The following MS4A4E variants were observed in gnomAD, a reference collection of about 807,000 sequenced individuals.
The protein encoded by MS4A4E is membrane spanning 4-domains A4E.
Under a neutral mutation model 13.3 loss-of-function variants are expected in MS4A4E, and 23 were observed. That is an observed-to-expected ratio of 1.73 (90% CI 1.25 to 2.45). The LOEUF is 2.45. MS4A4E is among the 30% of genes most tolerant of loss of function. The pLI is 0.00. For synonymous variants in MS4A4E, 36 were observed against 45.6 expected, an observed-to-expected ratio of 0.79 and a Z score of 0.85; for missense variants, 144 against 131.2, an observed-to-expected ratio of 1.10 and a Z score of -0.48.
intron 1 of MS4A4E, among the ~76,000 whole-genome samples, chr11:60,232,316 CACACA>C (rs1391331786): frequency 2.6e-5 from 4 of 151,302 alleles, no homozygotes; most frequent in Non-Finnish European, 5.9e-5. Flanking sequence ...CACACACACA[CACACA>C]CCAAAAATGA....
At chr11:60,205,295 T>C (rs978447050) in intron 7 of MS4A4E, among the ~76,000 whole-genome samples, 13 of 152,206 alleles carry the variant, frequency 8.5e-5, no homozygotes, top group African/African-American at 2.4e-4. Flanking sequence ...TTAATCTGTG[T>C]CCTGTCCCAT....
At chr11:60,231,956 C>T (rs1359268988) in intron 1 of MS4A4E, among the ~76,000 whole-genome samples, 2 of 128,958 alleles carry the variant, frequency 1.6e-5, no homozygotes, top group African/African-American at 5.5e-5. Flanking sequence ...AATGAAATCA[C>T]AAAAATGAAA....
chr11:60,215,633 G>A (rs1318938824), intron 3 of MS4A4E, among the ~76,000 whole-genome samples: 2 of 151,408 alleles, frequency 1.3e-5, no homozygotes, highest in Admixed American at 1.3e-4. Flanking sequence ...AAAAAAAGTA[G>A]GACCATCTTA....
At chr11:60,228,855 TA>T (rs1565126591) in intron 2 of MS4A4E, among the ~76,000 whole-genome samples, 2 of 152,238 alleles carry the variant, frequency 1.3e-5, no homozygotes, top group Admixed American at 6.5e-5. Flanking sequence ...ACCTAATTTA[TA>T]ATGTTAACTG....
chr11:60,225,109 G>A, intron 3 of MS4A4E: 1 of 1,501,464 alleles, frequency 6.7e-7, no homozygotes, highest in Non-Finnish European at 8.9e-7. Context: ...AATGATGAAA[G>A]CAAAAACTGA....
intron 3 of MS4A4E, among the ~76,000 whole-genome samples, chr11:60,220,058 G>A (rs1483749960): frequency 6.6e-6 from 1 of 152,174 alleles, no homozygotes; most frequent in Non-Finnish European, 1.5e-5. Flanking sequence ...AAGGCCAAAT[G>A]GAAGCCATTA....
intron 1 of MS4A4E, among the ~76,000 whole-genome samples, chr11:60,237,094 T>C (rs946147506): frequency 2.6e-5 from 4 of 152,162 alleles, no homozygotes; most frequent in Non-Finnish European, 5.9e-5. Context: ...CCTCTCCCTT[T>C]TCCCAGCCTC....
chr11:60,238,473 T>A (rs943346235), intron 1 of MS4A4E, among the ~76,000 whole-genome samples: 2 of 152,096 alleles, frequency 1.3e-5, no homozygotes, highest in African/African-American at 4.8e-5. Context: ...TTTTATAGTA[T>A]CCCTTATAAT....
intron 3 of MS4A4E, among the ~76,000 whole-genome samples, chr11:60,219,007 TGG>T (rs2084231856): frequency 6.6e-6 from 1 of 152,186 alleles, no homozygotes; most frequent in South Asian, 2.1e-4. Context: ...GATTAAAAGA[TGG>T]CCCACTGTGG....
chr11:60,205,987 A>T (rs2084034491), intron 6 of MS4A4E, among the ~76,000 whole-genome samples, 167 bp from the exon 7 acceptor site: 1 of 152,180 alleles, frequency 6.6e-6, no homozygotes, highest in Non-Finnish European at 1.5e-5. Flanking sequence ...GTTGAATCTG[A>T]TCCTTCATAT....
At chr11:60,209,647 C>G (rs2084094473) in intron 5 of MS4A4E, among the ~76,000 whole-genome samples, 1 of 152,192 alleles carries the variant, frequency 6.6e-6, no homozygotes, top group Non-Finnish European at 1.5e-5. Context: ...AATCCATCTC[C>G]CCAGAGCACT....
intron 1 of MS4A4E, among the ~76,000 whole-genome samples, chr11:60,233,858 C>T (rs1005186498): frequency 6.6e-6 from 1 of 152,136 alleles, no homozygotes; most frequent in African/African-American, 2.4e-5. Flanking sequence ...AACTATAAGG[C>T]CACTAGCATG....
chr11:60,201,234 G>C lies in MS4A4E; in HGVS notation c.*309C>G. 1 of 150,662 alleles carries C rather than the reference G, an allele frequency of 6.6e-6. No homozygotes were observed. 9.3% of individuals were successfully genotyped at this position (150,662 alleles called of 1,614,324 possible). ...CCTCCCGGACGGGGCGGCTGGCCGG[G>C]CGGGGGGCTGACCCCCCCCACCTCC... On this transcript the variant is annotated 3_prime_UTR_variant, in exon 9 of 9. Transcript: ENST00000651255.
chr11:60,221,518 C>T (rs2084270005), intron 3 of MS4A4E, among the ~76,000 whole-genome samples: 1 of 152,208 alleles, frequency 6.6e-6, no homozygotes, highest in African/African-American at 2.4e-5. Context: ...CAGGCACCAC[C>T]TCAAAGTGGT....
At chr11:60,236,885 C>T (rs1165720915) in intron 1 of MS4A4E, among the ~76,000 whole-genome samples, 2 of 152,016 alleles carry the variant, frequency 1.3e-5, no homozygotes, top group African/African-American at 2.4e-5. Context: ...TACAGGCATG[C>T]ACCACCACGC....
At chr11:60,206,009 C>T (rs1438569553) in intron 6 of MS4A4E, among the ~76,000 whole-genome samples, 189 bp from the exon 7 acceptor site, 1 of 152,068 alleles carries the variant, frequency 6.6e-6, no homozygotes, top group Non-Finnish European at 1.5e-5. Context: ...ATTTTTACTC[C>T]ATGTATACCT....
At position 60,204,969 on chromosome 11, in the gene MS4A4E, TAGAC is replaced by T. The variant is rs1179025721; in HGVS notation, c.591-15_591-12del. The stretch of plus-strand genomic sequence containing the variant: ...TGTCCATCTCCGGAGCTGGAGAAAG[TAGAC>T]AGGTTAGCATTGAAAGAAGGAGGGC... On this transcript the variant is annotated splice_polypyrimidine_tract_variant and intron_variant, in intron 7 of 8. Coordinates refer to ENST00000651255, the MANE Select transcript of MS4A4E (RefSeq NM_001393391.1). 6.6e-6 allele frequency among the ~76,000 whole-genome samples: 1 copy of T among 152,122 alleles called. No homozygotes were observed. Among genetic ancestry groups the T allele is most frequent in the Non-Finnish European group, 1.5e-5 (1 of 68,014 alleles).
At chr11:60,234,218 C>T (rs2084451524) in intron 1 of MS4A4E, among the ~76,000 whole-genome samples, 1 of 152,190 alleles carries the variant, frequency 6.6e-6, no homozygotes, top group South Asian at 2.1e-4. Flanking sequence ...TCCATATCTG[C>T]TTCTGATGAC....
At chr11:60,212,561 G>A (rs899287905) in intron 5 of MS4A4E, among the ~76,000 whole-genome samples, 2 of 152,170 alleles carry the variant, frequency 1.3e-5, no homozygotes, top group African/African-American at 2.4e-5. Context: ...CGCCTGGCTC[G>A]GCCTCCCAAA....
Sources: allele counts gnomAD v4.1 joint callset (sites outside exome capture counted in the v4.1 genomes callset), GRCh38; gene constraint gnomAD v4.1.1; transcripts MANE v1.5; gene names NCBI Gene and HGNC (gene_info 2026-07-23, HGNC 2026-07-21).